Variants in SAE1 observed in about 807,000 individuals in gnomAD.
SAE1 encodes SUMO1 activating enzyme subunit 1, also known as SUMO-activating enzyme subunit 1.
SAE1 carries 11 observed loss-of-function variants against 40.6 expected under a neutral mutation model. The observed-to-expected ratio is 0.27, with a 90% CI of 0.17 to 0.45. SAE1 has a LOEUF of 0.45. SAE1 is among the 20% of genes least tolerant of loss of function. The probability of loss-of-function intolerance (pLI) is 1.00; values close to 1 mark genes in which losing one functional copy is unlikely to be tolerated. For missense variants in SAE1, 373 were observed against 427.3 expected (o/e 0.87, Z 1.12); for synonymous variants, 155 against 154.3 (o/e 1.00, Z -0.03).
Position 47,155,156 on chromosome 19 carries a change from T to C in SAE1, c.570T>C (p.Asp190=). 6.2e-7 allele frequency: 1 copy of C among 1,613,970 alleles called. No individual in the cohort carries two copies. Among genetic ancestry groups the C allele is most frequent in the South Asian group, 1.1e-5 (1 of 91,076 alleles). ...CCAAAGTTAGCCAAGGAGTAGAAGA[T>C]GGGCCCGACACCAAGAGAGCAAAAC... ...KVAKVSQGVE[D]GPDTKRAKLD... Residue 190 remains aspartate (D), a synonymous_variant, in exon 5 of 9, where the codon GAT becomes GAC. Transcript: ENST00000270225.
chr19:47,145,495 T>C lies in SAE1; in HGVS notation c.210+1890T>C, dbSNP rs140912079. On this transcript the variant is annotated intron_variant, in intron 2 of 8. Transcript: ENST00000270225. ...TTATAATGGTAGAGCCCAACTCCAA[T>C]GTAGCTTTCTCTGACCAGGCTCATC... Among the ~76,000 whole-genome samples, 1,192 of 152,290 alleles carry C rather than the reference T, an allele frequency of 7.8e-3. 9 individuals carry two copies. The Middle Eastern group carries it at 0.085, about 11-fold the overall frequency.
rs191185562 is a variant in SAE1 at position 47,130,843 on chromosome 19, C to T, written c.-88C>T. ...TGCGCATGCGCAGAAGCACTCCGGG[C>T]GTGCTGCCGGCGGCGGTAGGTGGCG... On this transcript the variant is annotated 5_prime_UTR_variant, in exon 1 of 9. Coordinates refer to ENST00000270225, the MANE Select transcript of SAE1 (RefSeq NM_005500.3). 21 of 1,539,050 alleles carry T rather than the reference C, an allele frequency of 1.4e-5. No homozygotes were observed. Among genetic ancestry groups the T allele is most frequent in the Admixed American group, 8.1e-5 (4 of 49,642 alleles).
chr19:47,198,764 T>C (rs1483726743), intron 7 of SAE1, among the ~76,000 whole-genome samples: 7 of 152,136 alleles, frequency 4.6e-5, no homozygotes, highest in African/African-American at 7.2e-5. Context: ...GCAGTGGTCT[T>C]TGAAGCACCT....
At chr19:47,148,687 T>C (rs1185059535) in intron 2 of SAE1, among the ~76,000 whole-genome samples, 1 of 151,108 alleles carries the variant, frequency 6.6e-6, no homozygotes, top group Non-Finnish European at 1.5e-5. Context: ...CGACCTGGGC[T>C]CAATGCAGCG....
At chr19:47,140,208 G>A (rs968788785) in intron 1 of SAE1, among the ~76,000 whole-genome samples, 35 of 151,210 alleles carry the variant, frequency 2.3e-4, no homozygotes, top group Admixed American at 5.9e-4. Context: ...CCGGGTTCAC[G>A]CCATTCTCTT....
At chr19:47,174,072 C>G (rs1230304407) in intron 6 of SAE1, among the ~76,000 whole-genome samples, 1 of 152,078 alleles carries the variant, frequency 6.6e-6, no homozygotes. Context: ...ACGTGAGCCA[C>G]TTCGCCCAGC....
chr19:47,141,337 T>G (rs975211200), intron 1 of SAE1, among the ~76,000 whole-genome samples: 1 of 152,104 alleles, frequency 6.6e-6, no homozygotes, highest in African/African-American at 2.4e-5. Context: ...AGAGGGTGTT[T>G]CACCATGTTG....
chr19:47,140,366 A>G (rs2058213528), intron 1 of SAE1, among the ~76,000 whole-genome samples: 1 of 151,838 alleles, frequency 6.6e-6, no homozygotes, highest in Non-Finnish European at 1.5e-5. Flanking sequence ...TCGGCCTCCC[A>G]AAGTGCTGGG....
At chr19:47,170,010 A>G in intron 6 of SAE1, 87 bp downstream of exon 6, 1 of 991,474 alleles carries the variant, frequency 1.0e-6, no homozygotes, top group Non-Finnish European at 1.6e-6. Context: ...TGGTTTTGTG[A>G]TGTTTGCCTT....
At chr19:47,149,492 C>T (rs1011368713) in intron 2 of SAE1, among the ~76,000 whole-genome samples, 1 of 152,026 alleles carries the variant, frequency 6.6e-6, no homozygotes, top group Non-Finnish European at 1.5e-5. Context: ...AGTTTTAAAC[C>T]ACTGGAAGAC....
intron 1 of SAE1, among the ~76,000 whole-genome samples, chr19:47,138,148 A>G (rs561758483): frequency 2.8e-4 from 43 of 152,134 alleles, no homozygotes; most frequent in African/African-American, 9.2e-4. Flanking sequence ...GGTTCAGGCA[A>G]TTCTCCTGCC....
chr19:47,153,722 T>C (rs1388835460), intron 4 of SAE1, among the ~76,000 whole-genome samples: 1 of 152,198 alleles, frequency 6.6e-6, no homozygotes, highest in Admixed American at 6.5e-5. Context: ...ACAGTCATGT[T>C]CCAGACATCT....
At chr19:47,134,831 G>A (rs1262516742) in intron 1 of SAE1, among the ~76,000 whole-genome samples, 1 of 152,086 alleles carries the variant, frequency 6.6e-6, no homozygotes, top group Admixed American at 6.6e-5. Flanking sequence ...TCAGGGTCAG[G>A]GCATGGAATT....
rs113092444 is a variant in SAE1 at position 47,172,807 on chromosome 19, A to G, written c.733+2884A>G. On this transcript the variant is annotated intron_variant, in intron 6 of 8. Transcript: ENST00000270225. ...GAAAAGAAAAAAAGCACATATCTTC[A>G]CGGATGACAGAGTTCTCTAGGACTT... is the stretch of plus-strand genomic sequence containing the variant. Among the ~76,000 whole-genome samples the G allele has an allele frequency of 7.1e-3, 1,084 of 151,882 alleles. 11 individuals are homozygous for G. The highest frequency in any genetic ancestry group is 0.025 in the African/African-American group (1,048 of 41,432).
intron 6 of SAE1, among the ~76,000 whole-genome samples, chr19:47,184,335 A>T (rs1318202379): frequency 6.6e-6 from 1 of 152,162 alleles, no homozygotes; most frequent in Non-Finnish European, 1.5e-5. Context: ...AGCCTCTCCT[A>T]AGCCCCAGTT....
chr19:47,181,083 G>A (rs371739496), intron 6 of SAE1, among the ~76,000 whole-genome samples: 8 of 152,214 alleles, frequency 5.3e-5, no homozygotes, highest in Admixed American at 3.9e-4. Context: ...TTGGGAAGCC[G>A]AGGCAGGTGG....
At chr19:47,168,171 GAC>G (rs1368209117) in intron 5 of SAE1, among the ~76,000 whole-genome samples, 1 of 151,924 alleles carries the variant, frequency 6.6e-6, no homozygotes, top group Non-Finnish European at 1.5e-5. Flanking sequence ...CAGCCTGGGT[GAC>G]AGAGGGGGAG....
chr19:47,200,464 ATTTT>A (rs1231430511), intron 7 of SAE1, among the ~76,000 whole-genome samples: 5 of 84,736 alleles, frequency 5.9e-5, no homozygotes, highest in Non-Finnish European at 9.1e-5. Context: ...GCTGTTTCCT[ATTTT>A]TTAAAGTTAT....
chr19:47,145,190 C>T (rs1389603438), intron 2 of SAE1, among the ~76,000 whole-genome samples: 1 of 151,996 alleles, frequency 6.6e-6, no homozygotes, highest in Non-Finnish European at 1.5e-5. Flanking sequence ...TTAGTAGAGA[C>T]CGGGTTTCTC....
Sources: allele counts gnomAD v4.1 joint callset (sites outside exome capture counted in the v4.1 genomes callset), GRCh38; gene constraint gnomAD v4.1.1; transcripts MANE v1.5; gene names NCBI Gene and HGNC (gene_info 2026-07-23, HGNC 2026-07-21).